TMEM87B: variants seen among roughly 807,000 people sequenced by gnomAD.
TMEM87B encodes the protein transmembrane protein 87B.
Under a neutral mutation model 80.3 loss-of-function variants are expected in TMEM87B, and 83 were observed. The observed-to-expected ratio is 1.03, with a 90% CI of 0.87 to 1.24. The LOEUF (loss-of-function observed/expected upper bound fraction) is 1.24, where lower values mean the gene tolerates loss of function less well. Among genes scored for constraint, TMEM87B ranks in the 50% most tolerant of loss-of-function variants. The pLI is 0.00. For synonymous variants in TMEM87B, 219 were observed against 230.5 expected, an observed-to-expected ratio of 0.95 and a Z score of 0.45; for missense variants, 625 against 674.4, an observed-to-expected ratio of 0.93 and a Z score of 0.81.
chr2:112,097,431 T>G, intron 13 of TMEM87B, 140 bp downstream of exon 13: 3 of 864,386 alleles, frequency 3.5e-6, no homozygotes, highest in Non-Finnish European at 5.1e-6. Context: ...TTTTACAGAG[T>G]TATAAAAACT....
At chr2:112,095,260 CCTCCCCCT>C in intron 11 of TMEM87B, 1 of 961,944 alleles carries the variant, frequency 1.0e-6, no homozygotes, top group Non-Finnish European at 1.2e-6. Flanking sequence ...TTCTGGCCAG[CCTCCCCCT>C]CTCTCTCCTT....
intron 11 of TMEM87B, among the ~76,000 whole-genome samples, chr2:112,094,026 C>T (rs752526684): frequency 1.8e-4 from 28 of 152,058 alleles, no homozygotes; most frequent in Non-Finnish European, 3.2e-4. Flanking sequence ...TTTCTAAAAC[C>T]GTGTATGCTT....
intron 8 of TMEM87B, among the ~76,000 whole-genome samples, chr2:112,084,859 A>G (rs1679098345): frequency 6.6e-6 from 1 of 152,340 alleles, no homozygotes; most frequent in South Asian, 2.1e-4. Flanking sequence ...CAATCTTGAT[A>G]AAATAAAGCC....
At chr2:112,091,865 A>G in intron 11 of TMEM87B, 82 bp downstream of exon 11, 1 of 1,125,168 alleles carries the variant, frequency 8.9e-7, no homozygotes, top group Non-Finnish European at 1.3e-6. Context: ...CAATAGAAAG[A>G]AATACAGTTA....
chr2:112,105,997 C>T lies in TMEM87B; in HGVS notation c.1451-5C>T, dbSNP rs759670923. On this transcript the variant is annotated splice_polypyrimidine_tract_variant and splice_region_variant and intron_variant, in intron 15 of 18. Transcript: ENST00000283206. ...TTATATATATGTTTATAATGTCTCT[C>T]GTAGCCGAAGGAATAAAATTAAGAG... 2.4e-5 allele frequency: 37 copies of T among 1,560,116 alleles called. No individual in the cohort carries two copies. Among genetic ancestry groups the T allele is most frequent in the Admixed American group, 1.8e-4 (9 of 49,028 alleles).
intron 4 of TMEM87B, 46 bp downstream of exon 4, chr2:112,067,113 A>C (rs770804643): frequency 6.3e-7 from 1 of 1,593,440 alleles, no homozygotes; most frequent in South Asian, 1.2e-5. Flanking sequence ...ATTCCCAGTG[A>C]ATACAAGTAT....
At chr2:112,094,115 A>G (rs1243555172) in intron 11 of TMEM87B, among the ~76,000 whole-genome samples, 2 of 150,648 alleles carry the variant, frequency 1.3e-5, no homozygotes, top group Non-Finnish European at 3.0e-5. Context: ...AAAATAAACT[A>G]TCTTTTCTGG....
At chr2:112,099,555 T>TATATATATATATATATATATATACATAC (rs1019425429) in intron 14 of TMEM87B, among the ~76,000 whole-genome samples, 1 of 73,558 alleles carries the variant, frequency 1.4e-5, no homozygotes, top group African/African-American at 5.0e-5. Context: ...TATATATATA[T>TATATATATATATATATATATATACATAC]ACACACACAC....
intron 3 of TMEM87B, among the ~76,000 whole-genome samples, chr2:112,064,928 A>C (rs970195664): frequency 2.0e-5 from 3 of 152,098 alleles, no homozygotes; most frequent in Non-Finnish European, 4.4e-5. Flanking sequence ...ATATCTATAC[A>C]TATACATATA....
chr2:112,110,870 G>T (rs1679892740), intron 17 of TMEM87B, among the ~76,000 whole-genome samples: 2 of 151,982 alleles, frequency 1.3e-5, no homozygotes, highest in African/African-American at 4.8e-5. Flanking sequence ...CACTCGATTT[G>T]AGCCCCTTCC....
chr2:112,060,947 ATTTAAC>A (rs1678241091), intron 2 of TMEM87B, among the ~76,000 whole-genome samples: 1 of 152,228 alleles, frequency 6.6e-6, no homozygotes, highest in South Asian at 2.1e-4. Flanking sequence ...TTTTTGTGAA[ATTTAAC>A]TTTGAGTCTC....
rs189325363 is a variant in TMEM87B, at chr2:112,063,586, G to T, written c.227-576G>T. ...GTTTGGTCCACCCTTCTCTTCACCA[G>T]GCTAACTTCTGCTCTTCCTTCAAGT... On this transcript the variant is annotated intron_variant, in intron 2 of 18. Coordinates refer to ENST00000283206, the MANE Select transcript of TMEM87B (RefSeq NM_032824.3). 2.0e-5 allele frequency among the ~76,000 whole-genome samples: 3 copies of T among 152,280 alleles called. No individual in the cohort carries two copies. In the East Asian group the frequency reaches 5.8e-4, roughly 29 times the overall value.
At chr2:112,104,525 A>T (rs1368542361) in intron 15 of TMEM87B, among the ~76,000 whole-genome samples, 1 of 152,248 alleles carries the variant, frequency 6.6e-6, no homozygotes, top group African/African-American at 2.4e-5. Context: ...CTGCCACCAC[A>T]CATCTGCTAG....
At chr2:112,059,338 A>G (rs1193672321) in intron 1 of TMEM87B, among the ~76,000 whole-genome samples, 1 of 151,964 alleles carries the variant, frequency 6.6e-6, no homozygotes, top group Non-Finnish European at 1.5e-5. Context: ...GATATGGGCC[A>G]CAGTGGAAGA....
At chr2:112,077,434 CAT>C (rs1678859895) in intron 6 of TMEM87B, 152 bp downstream of exon 6, 2 of 421,040 alleles carry the variant, frequency 4.8e-6, no homozygotes, top group South Asian at 8.9e-5. Flanking sequence ...TAAAATGTAA[CAT>C]TAAGTTATCT....
At chr2:112,107,643 C>T in intron 16 of TMEM87B, 145 bp from the exon 17 acceptor site, 2 of 401,814 alleles carry the variant, frequency 5.0e-6, no homozygotes, top group Non-Finnish European at 8.8e-6. Flanking sequence ...TTCTGTATGG[C>T]ATGAGTGCCA....
intron 11 of TMEM87B, among the ~76,000 whole-genome samples, chr2:112,093,072 ATCTATGTGTC>A (rs1553467199): frequency 6.6e-6 from 1 of 151,862 alleles, no homozygotes; most frequent in Non-Finnish European, 1.5e-5. Flanking sequence ...CCATTTTCTC[ATCTATGTGTC>A]TCATAGGAAG....
chr2:112,082,416 G>A (rs906275890), intron 8 of TMEM87B, among the ~76,000 whole-genome samples: 2 of 152,048 alleles, frequency 1.3e-5, no homozygotes, highest in Non-Finnish European at 2.9e-5. Flanking sequence ...TACTTATTTT[G>A]AAATACTCTA....
intron 7 of TMEM87B, 58 bp downstream of exon 7, chr2:112,081,176 T>C: frequency 6.5e-7 from 1 of 1,526,960 alleles, no homozygotes; most frequent in Non-Finnish European, 9.0e-7. Context: ...CCCTAAGAGC[T>C]TTGTGGTAGT....
Sources: allele counts gnomAD v4.1 joint callset (sites outside exome capture counted in the v4.1 genomes callset), GRCh38; gene constraint gnomAD v4.1.1; transcripts MANE v1.5; gene names NCBI Gene and HGNC (gene_info 2026-07-23, HGNC 2026-07-21).